AP3S2: variants seen among roughly 807,000 people sequenced by gnomAD.
AP3S2 encodes the protein adaptor related protein complex 3 subunit sigma 2, also known as AP-3 complex subunit sigma-2.
Under a neutral mutation model 23.4 loss-of-function variants are expected in AP3S2, and 22 were observed. The ratio of observed to expected loss-of-function variants is 0.94; its 90% confidence interval spans 0.67 to 1.34. The LOEUF is 1.34. Among genes scored for constraint, AP3S2 ranks in the 40% most tolerant of loss-of-function variants. The pLI is 0.00. For synonymous variants in AP3S2, 86 were observed against 87.1 expected, an observed-to-expected ratio of 0.99 and a Z score of 0.07; for missense variants, 241 against 236.9, an observed-to-expected ratio of 1.02 and a Z score of -0.11.
At chr15:89,870,047 T>A (rs572880176) in intron 4 of AP3S2, among the ~76,000 whole-genome samples, 3 of 152,216 alleles carry the variant, frequency 2.0e-5, no homozygotes, top group Non-Finnish European at 4.4e-5. Flanking sequence ...GGCCTGTATT[T>A]AACAATATTA....
At position 89,891,007 on chromosome 15, in the gene AP3S2, CTATA is replaced by C. The variant is rs1299330606; in HGVS notation, c.70-1871_70-1868del. Among the ~76,000 whole-genome samples, 37 of 152,188 alleles carry C rather than the reference CTATA, an allele frequency of 2.4e-4. 1 individual carries two copies. The highest frequency in any genetic ancestry group is 2.4e-3 in the Admixed American group (37 of 15,278). ...GACAGGATGCTGTAGGAGACGAACT[CTATA>C]TATGCAAAATACAAAACATGCTAAG... On this transcript the variant is annotated intron_variant, in intron 1 of 5. Coordinates refer to ENST00000336418, the MANE Select transcript of AP3S2 (RefSeq NM_005829.5).
intron 3 of AP3S2, among the ~76,000 whole-genome samples, chr15:89,881,676 T>C (rs2141894114): frequency 6.6e-6 from 1 of 152,232 alleles, no homozygotes; most frequent in Middle Eastern, 3.4e-3. Context: ...AACCCACACG[T>C]GGAAAAAGGA....
chr15:89,893,755 G>C, intron 1 of AP3S2, 126 bp downstream of exon 1: 1 of 886,962 alleles, frequency 1.1e-6, no homozygotes, highest in Non-Finnish European at 1.7e-6. Flanking sequence ...AGTAGGGCGA[G>C]GGTCATGCTC....
At chr15:89,847,279 T>C (rs1461304306) in intron 4 of AP3S2, among the ~76,000 whole-genome samples, 2 of 143,876 alleles carry the variant, frequency 1.4e-5, no homozygotes, top group Non-Finnish European at 3.0e-5. Context: ...AGCTACTCGG[T>C]AGGCTGAGGT....
At chr15:89,884,400 G>A (rs1186385545) in intron 3 of AP3S2, among the ~76,000 whole-genome samples, 3 of 151,458 alleles carry the variant, frequency 2.0e-5, no homozygotes, top group Non-Finnish European at 4.4e-5. Context: ...AGAATATCTA[G>A]TATCTTTGTA....
At chr15:89,885,406 T>G (rs1194646155) in intron 3 of AP3S2, among the ~76,000 whole-genome samples, 1 of 152,180 alleles carries the variant, frequency 6.6e-6, no homozygotes, top group Non-Finnish European at 1.5e-5. Flanking sequence ...TTTCACCATG[T>G]TGGTCAGGCT....
chr15:89,833,341 A>G lies in AP3S2; in HGVS notation c.*2174T>C, dbSNP rs1895120510. The G allele has an allele frequency of 6.6e-6, 1 of 152,200 alleles. No homozygotes were observed. The highest frequency in any genetic ancestry group is 2.1e-4 in the South Asian group (1 of 4,830). 9.4% of individuals were successfully genotyped at this position (152,200 alleles called of 1,614,324 possible). A position where few individuals can be genotyped will look rare whatever the true frequency, so the allele number is the denominator to read the frequency against. On this transcript the variant is annotated 3_prime_UTR_variant, in exon 6 of 6. Transcript: ENST00000336418. ...TCTCTGAGGCTCAGTTTCCTTATCT[A>G]TAAAAAAGAAGATGATAACATTGGG...
chr15:89,874,903 G>T (rs981491212), intron 3 of AP3S2, among the ~76,000 whole-genome samples: 2 of 152,084 alleles, frequency 1.3e-5, no homozygotes, highest in South Asian at 4.1e-4. Context: ...AATAAGAGTC[G>T]TATTTTAAGT....
rs1356010779 is a variant in AP3S2, at chr15:89,834,935, C to T, written c.*580G>A. ...AACCACAAAAAAACACAAAAGGATT[C>T]TGGGTGTAACAATCTCAGTAGAGCC... is the stretch of plus-strand genomic sequence containing the variant. On this transcript the variant is annotated 3_prime_UTR_variant, in exon 6 of 6. Coordinates refer to ENST00000336418, the MANE Select transcript of AP3S2 (RefSeq NM_005829.5). 1 of 152,590 alleles carries T rather than the reference C, an allele frequency of 6.6e-6. No individual in the cohort carries two copies. The highest frequency in any genetic ancestry group is 1.9e-4 in the East Asian group (1 of 5,220). The allele number at this position is 152,590 out of a possible 1,614,324, so 9.5% of individuals were successfully genotyped here.
chr15:89,865,982 G>C (rs1349713350), intron 4 of AP3S2, among the ~76,000 whole-genome samples: 2 of 152,038 alleles, frequency 1.3e-5, no homozygotes, highest in Non-Finnish European at 2.9e-5. Context: ...TGGAGGCTGG[G>C]CGCGGTGGCT....
At chr15:89,868,053 C>T (rs1389279522) in intron 4 of AP3S2, among the ~76,000 whole-genome samples, 13 of 132,582 alleles carry the variant, frequency 9.8e-5, no homozygotes, top group South Asian at 2.6e-4. Flanking sequence ...TCTGCCCGGC[C>T]GCCCCTACTG....
intron 4 of AP3S2, chr15:89,845,340 A>G (rs567838313): frequency 6.6e-6 from 1 of 152,366 alleles, no homozygotes; most frequent in Admixed American, 6.5e-5. Flanking sequence ...AAAATGACTC[A>G]AGTGTAAGTG....
rs1895068641 is a variant in AP3S2 at position 89,831,134 on chromosome 15, C to T, written c.*4381G>A. 1 of 152,180 alleles carries T rather than the reference C, an allele frequency of 6.6e-6. No homozygotes were observed. 9.4% of individuals were successfully genotyped at this position (152,180 alleles called of 1,614,324 possible). On this transcript the variant is annotated 3_prime_UTR_variant, in exon 6 of 6. Transcript: ENST00000336418. ...ATTGAAATAGGAAAAAATTTTAAGT[C>T]TTTTGGAAAGAATTAATCATTTTCA...
At chr15:89,885,036 T>A (rs1896663112) in intron 3 of AP3S2, among the ~76,000 whole-genome samples, 1 of 152,152 alleles carries the variant, frequency 6.6e-6, no homozygotes, top group African/African-American at 2.4e-5. Flanking sequence ...TTCTAAGTTT[T>A]AAAAAATAAC....
intron 4 of AP3S2, among the ~76,000 whole-genome samples, chr15:89,839,833 A>C (rs1215316864): frequency 1.3e-5 from 2 of 152,134 alleles, no homozygotes; most frequent in Non-Finnish European, 2.9e-5. Context: ...TTCAGCCTTA[A>C]AAAGGAAAAG....
At chr15:89,851,049 T>G (rs1895639608) in intron 4 of AP3S2, among the ~76,000 whole-genome samples, 1 of 152,144 alleles carries the variant, frequency 6.6e-6, no homozygotes, top group South Asian at 2.1e-4. Flanking sequence ...TATTTTCAAA[T>G]ATGCTTAACA....
chr15:89,854,060 G>A (rs1895737305), intron 4 of AP3S2, among the ~76,000 whole-genome samples: 1 of 51,722 alleles, frequency 1.9e-5, no homozygotes, highest in South Asian at 6.4e-4. Context: ...GCCCCATCCG[G>A]GAGGGAGGTG....
At position 89,867,023 on chromosome 15, in the gene AP3S2, C is replaced by CCCCTCT. The variant is rs1185601561; in HGVS notation, c.345+4446_345+4451dup. On this transcript the variant is annotated intron_variant, in intron 4 of 5. Transcript: ENST00000336418. The stretch of plus-strand genomic sequence containing the variant: ...CCCTCTCCCCCTACCCCTCCCCCTC[C>CCCCTCT]CCCTCTCCCTCTCCCTCTCCCTCTC... Among the ~76,000 whole-genome samples the CCCCTCT allele has an allele frequency of 4.7e-3, 569 of 120,076 alleles. 11 individuals carry two copies. The highest frequency in any genetic ancestry group is 0.016 in the African/African-American group (506 of 31,284). The allele number at this position is 120,076 out of a possible 152,430, so 78.8% of individuals were successfully genotyped here.
Position 89,858,527 on chromosome 15 carries a change from A to AG in AP3S2, c.345+12947_345+12948insC, listed in dbSNP as rs1895918948. Among the ~76,000 whole-genome samples, 100 of 40,148 alleles carry AG rather than the reference A, an allele frequency of 2.5e-3. 1 individual carries two copies. Among genetic ancestry groups the AG allele is most frequent in the Non-Finnish European group, 4.0e-3 (71 of 17,898 alleles). 26.3% of individuals were successfully genotyped at this position (40,148 alleles called of 152,430 possible). A position where few individuals can be genotyped will look rare whatever the true frequency, so the allele number is the denominator to read the frequency against. On this transcript the variant is annotated intron_variant, in intron 4 of 5. Transcript: ENST00000336418. ...AGAGAGAGAGAGAGAGAGAGAGAGAAAGAAAGAAAGAAAGAAAGAAAGAAA... is the reference window on the plus strand; with the variant it reads ...AGAGAGAGAGAGAGAGAGAGAGAGAAGAGAAAGAAAGAAAGAAAGAAAGAAA...
Sources: allele counts gnomAD v4.1 joint callset (sites outside exome capture counted in the v4.1 genomes callset), GRCh38; gene constraint gnomAD v4.1.1; transcripts MANE v1.5; gene names NCBI Gene and HGNC (gene_info 2026-07-23, HGNC 2026-07-21).